VARS2: variants seen among roughly 807,000 people sequenced by gnomAD.
VARS2 encodes valyl-tRNA synthetase 2, mitochondrial.
Under a neutral mutation model 154.1 loss-of-function variants are expected in VARS2, and 105 were observed. That is an observed-to-expected ratio of 0.68 (90% CI 0.58 to 0.80). The LOEUF is 0.80. Among genes scored for constraint, VARS2 ranks in the 30% least tolerant of loss-of-function variants. The probability of loss-of-function intolerance (pLI) is 0.00; values close to 1 mark genes in which losing one functional copy is unlikely to be tolerated. For synonymous variants in VARS2, 483 were observed against 539.5 expected, an observed-to-expected ratio of 0.90 and a Z score of 1.45; for missense variants, 1,157 against 1,361.4, an observed-to-expected ratio of 0.85 and a Z score of 2.36.
chr6:30,923,219 G>T lies in VARS2; in HGVS notation c.2301G>T (p.Gln767His). 6.2e-7 allele frequency: 1 copy of T among 1,613,134 alleles called. No individual in the cohort carries two copies. The highest frequency in any genetic ancestry group is 8.5e-7 in the Non-Finnish European group (1 of 1,180,044). The change falls in exon 24 of 30, where the codon CAG (glutamine) becomes CAT (histidine). Residue 767 changes from glutamine to histidine, a missense_variant. Gln to His is a conservative substitution (Grantham distance 24). Coordinates refer to ENST00000676266, the MANE Select transcript of VARS2 (RefSeq NM_020442.6). ...CTTTAGGGGAGAAATTTGTGCCACA[G>T]CCTGCTGAGGAGGTAAGAGAAAACA... Reference protein sequence around the residue: ...LNALGEKFVPQPAEELSPSSP... With the variant: ...LNALGEKFVPHPAEELSPSSP...
In VARS2 at chr6:30,921,688, A is replaced by C; in HGVS notation, c.1732A>C (p.Arg578=). Residue 578 remains arginine (R), a synonymous_variant, in exon 18 of 30, where the codon AGG becomes CGG. Transcript: ENST00000676266. The surrounding 1 kb of genome is among the most constrained non-coding windows in gnomAD (Gnocchi z 4.6). ...GRPGAELTLE[R]DPDVLDTWFS... The stretch of plus-strand genomic sequence containing the variant: ...GCCAGGGGCAGAGCTGACCCTGGAG[A>C]GGGGTGAGTGCCTGAGCTGGGGAGG... The C allele has an allele frequency of 1.9e-6, 3 of 1,602,188 alleles. No homozygotes were observed. Among genetic ancestry groups the C allele is most frequent in the Non-Finnish European group, 2.6e-6 (3 of 1,175,984 alleles).
chr6:30,922,487 G>A lies in VARS2; in HGVS notation c.1970G>A (p.Arg657Gln), dbSNP rs558356495. The change falls in exon 21 of 30, where the codon CGG becomes CAG. Residue 657 changes from arginine to glutamine, a missense_variant. Arg to Gln is a conservative substitution (Grantham distance 43). Transcript: ENST00000676266. ...LHPMVRDRQG[R>Q]KMSKSLGNVL... ...CCCATGGTTCGGGACAGGCAGGGCC[G>A]GAAGATGAGCAAGTCCCTGGGGAAT... The A allele has an allele frequency of 1.1e-4, 177 of 1,598,556 alleles. 1 individual carries two copies. The South Asian group carries it at 1.7e-3, about 15-fold the overall frequency.
Position 30,923,485 on chromosome 6 carries a change from A to G in VARS2, c.2446A>G (p.Asn816Asp). 1 of 1,611,240 alleles carries G rather than the reference A, an allele frequency of 6.2e-7. No homozygotes were observed. The highest frequency in any genetic ancestry group is 1.3e-5 in the African/African-American group (1 of 75,020). The change falls in exon 25 of 30, where the codon AAC (asparagine) becomes GAC (aspartate). Residue 816 changes from asparagine to aspartate, a missense_variant. Coordinates refer to ENST00000676266, the MANE Select transcript of VARS2 (RefSeq NM_020442.6). ...TGCCCTGCACCACTTCTGGCTTCAC[A>G]ACCTCTGTGACGTCTACCTGGTGAG... is the stretch of plus-strand genomic sequence containing the variant. ...THALHHFWLH[N>D]LCDVYLEAVK...
chr6:30,922,895 C>G lies in VARS2; in HGVS notation c.2107-3C>G, dbSNP rs779832541. ...GCCACCCTTCTTCTTCCTCTGGTTG[C>G]AGAAAAAGGACTTTCCTCACGGGAT... On this transcript the variant is annotated splice_polypyrimidine_tract_variant and splice_region_variant and intron_variant, in intron 22 of 29. Coordinates refer to ENST00000676266, the MANE Select transcript of VARS2 (RefSeq NM_020442.6). The G allele has an allele frequency of 1.3e-6, 2 of 1,599,686 alleles. No individual in the cohort carries two copies. Among genetic ancestry groups the G allele is most frequent in the Admixed American group, 3.4e-5 (2 of 58,620 alleles).
At position 30,921,755 on chromosome 6, in the gene VARS2, G is replaced by C; in HGVS notation, c.1735+64G>C. 1 of 1,533,790 alleles carries C rather than the reference G, an allele frequency of 6.5e-7. No individual in the cohort carries two copies. The highest frequency in any genetic ancestry group is 8.8e-7 in the Non-Finnish European group (1 of 1,132,846). On this transcript the variant is annotated intron_variant, in intron 18 of 29. Transcript: ENST00000676266. The surrounding 1 kb of genome is among the most constrained non-coding windows in gnomAD (Gnocchi z 4.6). ...GGGGCCTGGGCATCTGGGCCTTTGA[G>C]GGGAACAGATCCCAAGATACAGAAG...
chr6:30,922,309 T>C, intron 20 of VARS2, 68 bp downstream of exon 20: 1 of 1,596,720 alleles, frequency 6.3e-7, no homozygotes, highest in Non-Finnish European at 8.5e-7. Flanking sequence ...TCCTCCCTTC[T>C]AACCCCTAAT....
intron 10 of VARS2, among the ~76,000 whole-genome samples, chr6:30,918,544 C>A (rs1794314629): frequency 6.6e-6 from 1 of 152,194 alleles, no homozygotes; most frequent in Non-Finnish European, 1.5e-5. Flanking sequence ...AGCAAGAATT[C>A]TATTATAGTT....
Position 30,921,449 on chromosome 6 carries a change from T to C in VARS2, c.1633-140T>C. 7.1e-7 allele frequency: 1 copy of C among 1,408,620 alleles called. No individual in the cohort carries two copies. The highest frequency in any genetic ancestry group is 9.8e-7 in the Non-Finnish European group (1 of 1,017,126). 87.3% of individuals were successfully genotyped at this position (1,408,620 alleles called of 1,614,324 possible). A position where few individuals can be genotyped will look rare whatever the true frequency, so the allele number is the denominator to read the frequency against. ...ATGTAACCTTCTGCGCGATCAAGGCTCCCTGAAGTGGCATTTCTTTATCTC... is the reference window on the plus strand; with the variant it reads ...ATGTAACCTTCTGCGCGATCAAGGCCCCCTGAAGTGGCATTTCTTTATCTC... On this transcript the variant is annotated intron_variant, in intron 17 of 29. Transcript: ENST00000676266. This position sits in a 1 kb window ranked among gnomAD's most constrained non-coding sequence, Gnocchi z 4.6.
rs562863189 is a variant in VARS2 at position 30,924,205 on chromosome 6, G to A, written c.2467-149G>A. The A allele has an allele frequency of 7.1e-6, 5 of 707,040 alleles. No individual in the cohort carries two copies. In the African/African-American group the frequency reaches 8.8e-5, roughly 12 times the overall value. 43.8% of individuals were successfully genotyped at this position (707,040 alleles called of 1,614,324 possible). On this transcript the variant is annotated intron_variant, in intron 25 of 29. Coordinates refer to ENST00000676266, the MANE Select transcript of VARS2 (RefSeq NM_020442.6). ...CCTTCTTTGTGCTGAGTGTGTCCTG[G>A]GACTGTGGATCATATCAGAAGTGCT...
In VARS2 at chr6:30,921,331, G is replaced by A. The variant is rs1794498336; in HGVS notation, c.1632+26G>A. Reference sequence around the variant, plus strand: ...GTGGGTAGGAAGAAGCACCCGGAGGGCCGAGTGTGGCACAGAGCACCTAGC... The same window carrying A: ...GTGGGTAGGAAGAAGCACCCGGAGGACCGAGTGTGGCACAGAGCACCTAGC... On this transcript the variant is annotated intron_variant, in intron 17 of 29. Coordinates refer to ENST00000676266, the MANE Select transcript of VARS2 (RefSeq NM_020442.6). This position sits in a 1 kb window ranked among gnomAD's most constrained non-coding sequence, Gnocchi z 4.6. 6.2e-7 allele frequency: 1 copy of A among 1,613,802 alleles called. No individual in the cohort carries two copies. The highest frequency in any genetic ancestry group is 8.5e-7 in the Non-Finnish European group (1 of 1,179,826).
At chr6:30,915,550 C>G in intron 4 of VARS2, 95 bp downstream of exon 4, 2 of 1,457,900 alleles carry the variant, frequency 1.4e-6, no homozygotes, top group East Asian at 4.6e-5. Flanking sequence ...CATTGTAGAC[C>G]TTGTCTTCTT....
chr6:30,920,795 C>A lies in VARS2; in HGVS notation c.1479+46C>A. 6.9e-7 allele frequency: 1 copy of A among 1,459,032 alleles called. No individual in the cohort carries two copies. Among genetic ancestry groups the A allele is most frequent in the Non-Finnish European group, 9.2e-7 (1 of 1,086,748 alleles). The allele number at this position is 1,459,032 out of a possible 1,614,324, so 90.4% of individuals were successfully genotyped here. A position where few individuals can be genotyped will look rare whatever the true frequency, so the allele number is the denominator to read the frequency against. ...GGACTGGGGCCAGGGGTTGGGGGAG[C>A]TCCCTGAGAATTGGAATGAAGAAAT... On this transcript the variant is annotated intron_variant, in intron 15 of 29. Coordinates refer to ENST00000676266, the MANE Select transcript of VARS2 (RefSeq NM_020442.6). This position sits in a 1 kb window ranked among gnomAD's most constrained non-coding sequence, Gnocchi z 4.6.
intron 4 of VARS2, 55 bp from the exon 5 acceptor site, chr6:30,915,691 G>C: frequency 6.2e-7 from 1 of 1,604,454 alleles, no homozygotes; most frequent in South Asian, 1.1e-5. Flanking sequence ...AGTAGAGGGT[G>C]CTCTTTCCCC....
At chr6:30,918,692 A>T in intron 10 of VARS2, 135 bp from the exon 11 acceptor site, 5 of 623,156 alleles carry the variant, frequency 8.0e-6, no homozygotes, top group Admixed American at 5.3e-5. Flanking sequence ...ACTTTTTTCT[A>T]GTCACTCCTG....
intron 20 of VARS2, 71 bp downstream of exon 20, chr6:30,922,312 C>A: frequency 1.3e-6 from 2 of 1,597,486 alleles, no homozygotes; most frequent in Non-Finnish European, 1.7e-6. Context: ...TCCCTTCTAA[C>A]CCCTAATGTG....
In VARS2 at chr6:30,919,031, T is replaced by C; in HGVS notation, c.1074+116T>C. 2 of 924,532 alleles carry C rather than the reference T, an allele frequency of 2.2e-6. No individual in the cohort carries two copies. The highest frequency in any genetic ancestry group is 3.4e-6 in the Non-Finnish European group (2 of 595,968). The allele number at this position is 924,532 out of a possible 1,614,324, so 57.3% of individuals were successfully genotyped here. On this transcript the variant is annotated intron_variant, in intron 11 of 29. Coordinates refer to ENST00000676266, the MANE Select transcript of VARS2 (RefSeq NM_020442.6). The surrounding 1 kb of genome is among the most constrained non-coding windows in gnomAD (Gnocchi z 4.5). Reference sequence around the variant, plus strand: ...TTCTACTTCCTTTTCCTGAGACTTCTCTCAGTGGTTCTGATTGGACTCCCT... The same window carrying C: ...TTCTACTTCCTTTTCCTGAGACTTCCCTCAGTGGTTCTGATTGGACTCCCT...
chr6:30,925,806 A>C, intron 28 of VARS2, 74 bp from the exon 29 acceptor site: 2 of 1,610,996 alleles, frequency 1.2e-6, no homozygotes, highest in Non-Finnish European at 8.5e-7. Flanking sequence ...AAGTAGGGGA[A>C]GGGACCTTCT....
At chr6:30,924,581 A>T in intron 26 of VARS2, 21 bp downstream of exon 26, 1 of 1,425,736 alleles carries the variant, frequency 7.0e-7, no homozygotes, top group Non-Finnish European at 9.5e-7. Flanking sequence ...AGCACCTTGG[A>T]GTGGGTCTGT....
chr6:30,918,317 T>A (rs977440611), intron 10 of VARS2, among the ~76,000 whole-genome samples: 3 of 152,194 alleles, frequency 2.0e-5, no homozygotes, highest in African/African-American at 7.2e-5. Context: ...CTGCCCGCCT[T>A]GGCCTCCCAA....
Sources: allele counts gnomAD v4.1 joint callset (sites outside exome capture counted in the v4.1 genomes callset), GRCh38; gene constraint gnomAD v4.1.1; non-coding constraint Gnocchi (gnomAD v3.1); transcripts MANE v1.5; gene names NCBI Gene and HGNC (gene_info 2026-07-23, HGNC 2026-07-21).